MTUS2: variants seen among roughly 807,000 people sequenced by gnomAD.
The protein encoded by MTUS2 is microtubule associated scaffold protein 2.
In MTUS2, 40 loss-of-function variants were observed where a neutral mutation model predicts 114.1. That is an observed-to-expected ratio of 0.35 (90% CI 0.27 to 0.46). The LOEUF (loss-of-function observed/expected upper bound fraction) is 0.46. MTUS2 is among the 20% of genes least tolerant of loss of function. The pLI, the probability that MTUS2 is intolerant of heterozygous loss-of-function variation, is 1.00. For missense variants in MTUS2, 1,679 were observed against 1,705.4 expected (o/e 0.98, Z 0.27); for synonymous variants, 688 against 672.0 (o/e 1.02, Z -0.37).
chr13:29,169,831 T>C (rs1338881764), intron 5 of MTUS2, among the ~76,000 whole-genome samples: 1 of 152,220 alleles, frequency 6.6e-6, no homozygotes, highest in Non-Finnish European at 1.5e-5. Context: ...GTAAAGGTGA[T>C]GGCAAGCGAG....
At chr13:28,936,422 T>A (rs1881901912) in intron 2 of MTUS2, among the ~76,000 whole-genome samples, 1 of 152,228 alleles carries the variant, frequency 6.6e-6, no homozygotes, top group Non-Finnish European at 1.5e-5. Context: ...GCTCCTTATC[T>A]CTAGGAGTCT....
intron 5 of MTUS2, chr13:29,239,694 AAAT>A (rs1896664447): frequency 6.6e-6 from 1 of 151,910 alleles, no homozygotes; most frequent in African/African-American, 2.4e-5. Context: ...CATATCTGAC[AAAT>A]AATCTGAAAT....
chr13:29,045,162 A>G (rs1887557605), intron 4 of MTUS2, among the ~76,000 whole-genome samples: 1 of 152,154 alleles, frequency 6.6e-6, no homozygotes, highest in Admixed American at 6.5e-5. Context: ...AGTCATGAGA[A>G]TGGTATCTCA....
intron 9 of MTUS2, among the ~76,000 whole-genome samples, chr13:29,472,747 A>G (rs1880414496): frequency 6.6e-6 from 1 of 152,234 alleles, no homozygotes; most frequent in South Asian, 2.1e-4. Context: ...CTTGGAAACA[A>G]ACTAATTGTG....
chr13:28,959,738 G>A (rs895240208), intron 2 of MTUS2, among the ~76,000 whole-genome samples: 6 of 152,164 alleles, frequency 3.9e-5, no homozygotes, highest in African/African-American at 1.4e-4. Context: ...TCAGGACCAA[G>A]CCATTCATGA....
intron 7 of MTUS2, among the ~76,000 whole-genome samples, chr13:29,351,915 G>C (rs1274537509): frequency 6.6e-6 from 1 of 151,936 alleles, no homozygotes; most frequent in Non-Finnish European, 1.5e-5. Flanking sequence ...CACTGTGCCT[G>C]GCATTAGTTA....
rs1202769045 is a variant in MTUS2 at position 29,302,060 on chromosome 13, C to T, written c.2806+20195C>T. 2.6e-5 allele frequency among the ~76,000 whole-genome samples: 4 copies of T among 152,276 alleles called. No homozygotes were observed. In the East Asian group the frequency reaches 5.8e-4, roughly 22 times the overall value. ...TACCATCACATTAGAAATTGGATTT[C>T]GGGGATGGATCCAAGATGGCCAGTT... On this transcript the variant is annotated intron_variant, in intron 6 of 15. Transcript: ENST00000612955.
intron 5 of MTUS2, among the ~76,000 whole-genome samples, chr13:29,122,621 A>G (rs1469875120): frequency 6.6e-6 from 1 of 152,172 alleles, no homozygotes; most frequent in Non-Finnish European, 1.5e-5. Context: ...ATACAGCCAA[A>G]TCATGTCAGA....
At chr13:29,470,411 C>T (rs1278457665) in intron 9 of MTUS2, among the ~76,000 whole-genome samples, 2 of 152,182 alleles carry the variant, frequency 1.3e-5, no homozygotes, top group Non-Finnish European at 2.9e-5. Context: ...CCTGCACCTC[C>T]CTCATCCCAT....
intron 2 of MTUS2, among the ~76,000 whole-genome samples, chr13:28,910,022 C>A (rs1452003454): frequency 6.6e-6 from 1 of 152,176 alleles, no homozygotes; most frequent in African/African-American, 2.4e-5. Context: ...AAGCATTTAT[C>A]CTTTGTGTTA....
At chr13:29,034,442 T>A (rs1385971613) in intron 4 of MTUS2, among the ~76,000 whole-genome samples, 1 of 152,096 alleles carries the variant, frequency 6.6e-6, no homozygotes, top group Non-Finnish European at 1.5e-5. Flanking sequence ...TATTTTGGAG[T>A]ATGTAGGTCC....
intron 4 of MTUS2, among the ~76,000 whole-genome samples, chr13:29,058,248 T>C (rs1025670449): frequency 6.6e-6 from 1 of 151,584 alleles, no homozygotes; most frequent in African/African-American, 2.4e-5. Flanking sequence ...TTGATGACTA[T>C]GTGTCTTAGG....
At chr13:29,081,968 G>T (rs1347870118) in intron 4 of MTUS2, among the ~76,000 whole-genome samples, 2 of 152,142 alleles carry the variant, frequency 1.3e-5, no homozygotes, top group African/African-American at 4.8e-5. Context: ...TTGTCCGATT[G>T]TGGTGACCCT....
chr13:29,361,497 A>G (rs1162504452), intron 8 of MTUS2, among the ~76,000 whole-genome samples: 1 of 152,214 alleles, frequency 6.6e-6, no homozygotes, highest in African/African-American at 2.4e-5. Flanking sequence ...ATTGAACATA[A>G]TCAGTGGCTT....
chr13:29,178,120 A>G (rs1893850631), intron 5 of MTUS2, among the ~76,000 whole-genome samples: 1 of 152,178 alleles, frequency 6.6e-6, no homozygotes, highest in Admixed American at 6.5e-5. Flanking sequence ...AGATGGGCTC[A>G]TATTTGTAGA....
chr13:28,944,989 C>T (rs1044725880), intron 2 of MTUS2, among the ~76,000 whole-genome samples: 1 of 152,128 alleles, frequency 6.6e-6, no homozygotes, highest in African/African-American at 2.4e-5. Flanking sequence ...CCTTAAAACC[C>T]TTCTGAGTCT....
intron 3 of MTUS2, among the ~76,000 whole-genome samples, chr13:29,028,176 C>T (rs1181467533): frequency 4.0e-5 from 6 of 150,686 alleles, no homozygotes; most frequent in African/African-American, 1.5e-4. Context: ...CATGGTGAAA[C>T]CCCGTCTCTA....
In MTUS2 at chr13:29,503,020, C is replaced by T; in HGVS notation, c.3924C>T (p.Leu1308=). The T allele has an allele frequency of 6.2e-7, 1 of 1,614,204 alleles. No homozygotes were observed. The highest frequency in any genetic ancestry group is 8.5e-7 in the Non-Finnish European group (1 of 1,180,030). The change falls in exon 16 of 16, where the codon CTC becomes CTT. Residue 1308 remains leucine (L), a synonymous_variant. Transcript: ENST00000612955. The stretch of plus-strand genomic sequence containing the variant: ...AGCTGTCGGAGGAAAATGCTAACCT[C>T]CAGGAATATGTTGAGAAGGAAACCC... ...TRQLSEENAN[L]QEYVEKETQE...
intron 9 of MTUS2, among the ~76,000 whole-genome samples, chr13:29,442,378 A>G (rs563016019): frequency 2.0e-5 from 3 of 152,366 alleles, no homozygotes; most frequent in African/African-American, 7.2e-5. Context: ...AATGGAAAGA[A>G]AACAATATAT....
Sources: allele counts gnomAD v4.1 joint callset (sites outside exome capture counted in the v4.1 genomes callset), GRCh38; gene constraint gnomAD v4.1.1; transcripts MANE v1.5; gene names NCBI Gene and HGNC (gene_info 2026-07-23, HGNC 2026-07-21).